Variants in PDE4B observed in about 807,000 individuals in gnomAD.
PDE4B encodes the protein phosphodiesterase 4B.
PDE4B carries 20 observed loss-of-function variants against 82.2 expected under a neutral mutation model. The ratio of observed to expected loss-of-function variants is 0.24; its 90% CI spans 0.17 to 0.35. PDE4B has a LOEUF of 0.35. PDE4B is among the 10% of genes least tolerant of loss of function. The pLI, the probability that PDE4B is intolerant of heterozygous loss-of-function variation, is 1.00. For missense variants in PDE4B, 655 were observed against 907.2 expected, an observed-to-expected ratio of 0.72 and a Z score of 3.57; for synonymous variants, 320 against 318.9, an observed-to-expected ratio of 1.00 and a Z score of -0.04.
At chr1:66,352,492 T>C (rs1410354065) in intron 8 of PDE4B, among the ~76,000 whole-genome samples, 4 of 152,182 alleles carry the variant, frequency 2.6e-5, no homozygotes, top group Non-Finnish European at 4.4e-5. Flanking sequence ...TGGAAGACTA[T>C]AGAAAGAAAA....
At chr1:65,933,616 C>T (rs190066627) in intron 3 of PDE4B, among the ~76,000 whole-genome samples, 1 of 151,710 alleles carries the variant, frequency 6.6e-6, no homozygotes, top group Non-Finnish European at 1.5e-5. Flanking sequence ...TGCATTGAGC[C>T]GAGATCATCG....
chr1:66,294,130 C>T (rs1657319029), intron 7 of PDE4B, among the ~76,000 whole-genome samples: 1 of 152,070 alleles, frequency 6.6e-6, no homozygotes, highest in Non-Finnish European at 1.5e-5. Flanking sequence ...CACTTGAACC[C>T]AGGAGGCGGT....
intron 1 of PDE4B, among the ~76,000 whole-genome samples, chr1:65,828,505 G>A (rs1467422344): frequency 6.6e-6 from 1 of 152,048 alleles, no homozygotes; most frequent in Non-Finnish European, 1.5e-5. Flanking sequence ...CTTGGCCTCT[G>A]AAAGTGCTGG....
intron 4 of PDE4B, 158 bp from the exon 5 acceptor site, chr1:66,257,489 C>G (rs372910642): frequency 4.9e-6 from 4 of 815,646 alleles, no homozygotes; most frequent in East Asian, 4.9e-5. Flanking sequence ...CTTGGAATAC[C>G]CTTTCGTGCC....
intron 3 of PDE4B, among the ~76,000 whole-genome samples, chr1:65,967,436 T>A (rs1037308910): frequency 2.0e-5 from 3 of 152,210 alleles, no homozygotes; most frequent in African/African-American, 7.2e-5. Context: ...ACACTGTTGG[T>A]GAGAGTGTAA....
intron 3 of PDE4B, among the ~76,000 whole-genome samples, chr1:65,958,744 A>ACG (rs1348584485): frequency 6.9e-6 from 1 of 144,580 alleles, no homozygotes; most frequent in Non-Finnish European, 1.5e-5. Context: ...ACACACACAC[A>ACG]CACACGCGCG....
At chr1:66,361,895 A>AT (rs1468652466) in intron 10 of PDE4B, 102 bp downstream of exon 10, 27 of 947,562 alleles carry the variant, frequency 2.8e-5, no homozygotes, top group Non-Finnish European at 3.8e-5. Flanking sequence ...TTGCATTATT[A>AT]TTACATTTTG....
At chr1:65,935,615 A>G (rs1470039264) in intron 3 of PDE4B, among the ~76,000 whole-genome samples, 2 of 152,202 alleles carry the variant, frequency 1.3e-5, no homozygotes, top group African/African-American at 4.8e-5. Context: ...AATTAAAAAA[A>G]CTTCTTAACT....
intron 7 of PDE4B, among the ~76,000 whole-genome samples, chr1:66,310,746 T>G (rs1658610142): frequency 6.6e-6 from 1 of 152,110 alleles, no homozygotes; most frequent in African/African-American, 2.4e-5. Context: ...TAGCACAATA[T>G]AGTGGCTAAG....
chr1:66,336,102 G>A (rs1225874381), intron 8 of PDE4B, among the ~76,000 whole-genome samples: 1 of 152,186 alleles, frequency 6.6e-6, no homozygotes, highest in Non-Finnish European at 1.5e-5. Flanking sequence ...CATAAACAGT[G>A]ACCTATCTTC....
chr1:66,009,924 TC>T (rs1652381443), intron 3 of PDE4B, among the ~76,000 whole-genome samples: 1 of 145,926 alleles, frequency 6.9e-6, no homozygotes, highest in Admixed American at 6.7e-5. Flanking sequence ...TATCTATCTA[TC>T]TATCTATCTA....
At chr1:66,092,534 A>T (rs1645044550) in intron 3 of PDE4B, among the ~76,000 whole-genome samples, 1 of 152,084 alleles carries the variant, frequency 6.6e-6, no homozygotes, top group South Asian at 2.1e-4. Flanking sequence ...TTACAGCCTC[A>T]AGAAGCTTGA....
intron 12 of PDE4B, among the ~76,000 whole-genome samples, chr1:66,365,310 T>A (rs1045167688): frequency 6.6e-6 from 1 of 152,214 alleles, no homozygotes; most frequent in Admixed American, 6.5e-5. Flanking sequence ...AGAGCCAGTC[T>A]GACTTGCTTC....
At chr1:66,306,605 G>T (rs1658296307) in intron 7 of PDE4B, among the ~76,000 whole-genome samples, 1 of 152,062 alleles carries the variant, frequency 6.6e-6, no homozygotes, top group African/African-American at 2.4e-5. Context: ...GGAAAACCTA[G>T]GGAGATTGGT....
Position 66,079,166 on chromosome 1 carries a change from T to TTCTCTCTCTCTCTC in PDE4B, c.281+160353_281+160366dup, listed in dbSNP as rs148765561. On this transcript the variant is annotated intron_variant, in intron 3 of 16. Coordinates refer to ENST00000341517, the MANE Select transcript of PDE4B (RefSeq NM_002600.4). The stretch of plus-strand genomic sequence containing the variant: ...CGGTTTCTGTCTCTCCCTGCTTCTT[T>TTCTCTCTCTCTCTC]TCTCTCTCTCTCTCTCTCTCTCTCT... 1.9e-3 allele frequency among the ~76,000 whole-genome samples: 276 copies of TTCTCTCTCTCTCTC among 142,256 alleles called. 2 individuals are homozygous for TTCTCTCTCTCTCTC. The highest frequency in any genetic ancestry group is 6.7e-3 in the African/African-American group (251 of 37,216). The allele number at this position is 142,256 out of a possible 152,430, so 93.3% of individuals were successfully genotyped here. A position where few individuals can be genotyped will look rare whatever the true frequency, so the allele number is the denominator to read the frequency against.
chr1:66,321,609 C>A (rs937889366), intron 7 of PDE4B, among the ~76,000 whole-genome samples: 3 of 151,864 alleles, frequency 2.0e-5, no homozygotes, highest in Admixed American at 2.0e-4. Context: ...TCAAGATGGC[C>A]CCTTGTTTAT....
intron 1 of PDE4B, among the ~76,000 whole-genome samples, chr1:65,856,719 T>C (rs1646397071): frequency 6.6e-6 from 1 of 152,214 alleles, no homozygotes; most frequent in Non-Finnish European, 1.5e-5. Flanking sequence ...CTTGGTCAAA[T>C]GGTATTTCTA....
At chr1:65,988,189 A>C (rs1198933979) in intron 3 of PDE4B, among the ~76,000 whole-genome samples, 1 of 152,258 alleles carries the variant, frequency 6.6e-6, no homozygotes, top group Non-Finnish European at 1.5e-5. Flanking sequence ...AATGCAAAAA[A>C]TGTAAGTTAC....
At chr1:66,060,683 A>G (rs1655540567) in intron 3 of PDE4B, among the ~76,000 whole-genome samples, 1 of 152,186 alleles carries the variant, frequency 6.6e-6, no homozygotes, top group South Asian at 2.1e-4. Context: ...AAACATAGCT[A>G]CTAAAAAATT....
Sources: gnomAD v4.1 joint callset for allele counts (sites outside exome capture counted in the v4.1 genomes callset) on GRCh38, gnomAD v4.1.1 for gene constraint, MANE v1.5 for transcripts, NCBI Gene and HGNC (gene_info 2026-07-23, HGNC 2026-07-21) for gene names.